Variants in SLC24A2 observed in about 807,000 individuals in gnomAD.
The protein encoded by SLC24A2 is solute carrier family 24 member 2.
SLC24A2 carries 36 observed loss-of-function variants against 62.0 expected under a neutral mutation model. The ratio of observed to expected loss-of-function variants is 0.58; its 90% CI spans 0.44 to 0.77. The LOEUF (loss-of-function observed/expected upper bound fraction) is 0.77, where lower values mean the gene tolerates loss of function less well. Among genes scored for constraint, SLC24A2 ranks in the 30% least tolerant of loss-of-function variants. The probability of loss-of-function intolerance (pLI) is 0.00; values close to 1 mark genes in which losing one functional copy is unlikely to be tolerated. For missense variants in SLC24A2, 846 were observed against 817.9 expected (o/e 1.03, Z -0.42); for synonymous variants, 358 against 294.0 (o/e 1.22, Z -2.23).
the SLC24A2 span, among the ~76,000 whole-genome samples, chr9:19,843,157 A>G: frequency 6.6e-6 from 1 of 152,184 alleles, no homozygotes; most frequent in African/African-American, 2.4e-5. Flanking sequence ...AATATGTTCT[A>G]GTTAGAAGAG....
the SLC24A2 span, among the ~76,000 whole-genome samples, chr9:19,837,560 C>T: frequency 7.0e-6 from 1 of 141,996 alleles, no homozygotes; most frequent in Non-Finnish European, 1.5e-5. Context: ...GTTGGAAGTT[C>T]TGGCCAGGGC....
intron 2 of SLC24A2, among the ~76,000 whole-genome samples, chr9:19,678,520 T>C (rs1336758744): frequency 1.2e-4 from 18 of 152,222 alleles, no homozygotes; most frequent in Admixed American, 1.2e-3. Context: ...ATTTTTCTAT[T>C]TAAAAAACAT....
At chr9:19,852,310 G>A in the SLC24A2 span, among the ~76,000 whole-genome samples, 2 of 152,122 alleles carry the variant, frequency 1.3e-5, no homozygotes, top group Non-Finnish European at 2.9e-5. Context: ...CTGCGTAGAA[G>A]CTCTTTAGTT....
the SLC24A2 span, among the ~76,000 whole-genome samples, chr9:19,889,470 A>G: frequency 9.2e-6 from 1 of 108,392 alleles, no homozygotes; most frequent in African/African-American, 3.4e-5. Context: ...AGTAGTTCCA[A>G]AACAGTCCAT....
the SLC24A2 span, among the ~76,000 whole-genome samples, chr9:20,065,410 T>A: frequency 6.6e-6 from 1 of 152,272 alleles, no homozygotes; most frequent in South Asian, 2.1e-4. Context: ...CCAGTCCCAA[T>A]ATCCTGTAAA....
chr9:20,294,968 T>C, the SLC24A2 span, among the ~76,000 whole-genome samples: 1 of 151,734 alleles, frequency 6.6e-6, no homozygotes, highest in South Asian at 2.1e-4. Flanking sequence ...AGATCAGGTA[T>C]AAATAAATAA....
At chr9:20,289,451 G>C in the SLC24A2 span, among the ~76,000 whole-genome samples, 1 of 152,200 alleles carries the variant, frequency 6.6e-6, no homozygotes, top group Admixed American at 6.5e-5. Context: ...AGGAATTAAA[G>C]GAGTGCAGTT....
the SLC24A2 span, among the ~76,000 whole-genome samples, chr9:20,129,494 C>T: frequency 0.067 from 10,255 of 152,138 alleles, 434 homozygotes; most frequent in Middle Eastern, 0.16. Flanking sequence ...TCACATAGCA[C>T]TATTTACAAT....
the SLC24A2 span, among the ~76,000 whole-genome samples, chr9:20,180,940 T>C: frequency 3.3e-5 from 5 of 152,194 alleles, no homozygotes; most frequent in East Asian, 9.6e-4. Context: ...GCTCTGTCCT[T>C]TCTGACACTG....
At chr9:20,095,748 T>C in the SLC24A2 span, among the ~76,000 whole-genome samples, 1 of 150,530 alleles carries the variant, frequency 6.6e-6, no homozygotes, top group Non-Finnish European at 1.5e-5. Context: ...TACCCAAGAC[T>C]GGGTAATTTA....
chr9:19,585,897 G>A (rs1251975236), intron 5 of SLC24A2, among the ~76,000 whole-genome samples: 1 of 152,136 alleles, frequency 6.6e-6, no homozygotes, highest in Non-Finnish European at 1.5e-5. Context: ...CATAAAGGAT[G>A]GATCAGCCCA....
the SLC24A2 span, among the ~76,000 whole-genome samples, chr9:20,196,018 A>C: frequency 6.6e-6 from 1 of 152,216 alleles, no homozygotes; most frequent in Non-Finnish European, 1.5e-5. Context: ...ATATCTGTTT[A>C]ATAGCATTAA....
the SLC24A2 span, among the ~76,000 whole-genome samples, chr9:20,000,241 C>G: frequency 6.6e-6 from 1 of 152,160 alleles, no homozygotes; most frequent in Non-Finnish European, 1.5e-5. Flanking sequence ...GTGCCAGAAA[C>G]TGTGCTAAGC....
chr9:19,661,526 T>C (rs575959046), intron 2 of SLC24A2, among the ~76,000 whole-genome samples: 1 of 152,224 alleles, frequency 6.6e-6, no homozygotes, highest in African/African-American at 2.4e-5. Flanking sequence ...GAATGAAAAA[T>C]ACAATGTTGG....
At chr9:19,962,453 C>A in the SLC24A2 span, among the ~76,000 whole-genome samples, 2 of 152,152 alleles carry the variant, frequency 1.3e-5, no homozygotes, top group Admixed American at 6.5e-5. Flanking sequence ...TTACCTTGGG[C>A]AATATGGCCA....
rs116219391 is a variant in SLC24A2, at chr9:19,667,897, T to C, written c.931-45598A>G. Among the ~76,000 whole-genome samples, 846 of 152,322 alleles carry C rather than the reference T, an allele frequency of 5.6e-3. 16 individuals are homozygous for C. The highest frequency in any genetic ancestry group is 0.019 in the African/African-American group (797 of 41,568). ...TTCTTAAACCCGCTGCTAGTTCTGATAGTTCTTCCTCTAGCAAGACTTCTG... is the reference window on the plus strand; with the variant it reads ...TTCTTAAACCCGCTGCTAGTTCTGACAGTTCTTCCTCTAGCAAGACTTCTG... On this transcript the variant is annotated intron_variant, in intron 2 of 10. Coordinates refer to ENST00000341998, the MANE Select transcript of SLC24A2 (RefSeq NM_020344.4).
intron 8 of SLC24A2, among the ~76,000 whole-genome samples, chr9:19,547,752 T>G (rs576924696): frequency 6.6e-6 from 1 of 151,496 alleles, no homozygotes; most frequent in Non-Finnish European, 1.5e-5. Flanking sequence ...TTTGGGAATT[T>G]AGAAAACTGT....
the SLC24A2 span, among the ~76,000 whole-genome samples, chr9:20,259,153 C>T: frequency 6.6e-6 from 1 of 152,122 alleles, no homozygotes; most frequent in South Asian, 2.1e-4. Flanking sequence ...TTGGAAAAGA[C>T]ATGAAAACAG....
chr9:20,223,729 A>G, the SLC24A2 span, among the ~76,000 whole-genome samples: 1 of 152,154 alleles, frequency 6.6e-6, no homozygotes, highest in East Asian at 1.9e-4. Context: ...TGGTAAGGAT[A>G]AGACAGATGA....
Sources: gnomAD v4.1 joint callset for allele counts (sites outside exome capture counted in the v4.1 genomes callset) on GRCh38, gnomAD v4.1.1 for gene constraint, MANE v1.5 for transcripts, NCBI Gene and HGNC (gene_info 2026-07-23, HGNC 2026-07-21) for gene names.